The following MALRD1 variants were observed in gnomAD, a reference collection of about 807,000 sequenced individuals.
The protein encoded by MALRD1 is MAM and LDL-receptor class A domain-containing protein 1.
MALRD1 carries 247 observed loss-of-function variants against 242.1 expected under a neutral mutation model. The observed-to-expected ratio is 1.02, with a 90% CI of 0.92 to 1.13. The LOEUF is 1.13. Among genes scored for constraint, MALRD1 ranks in the 50% most tolerant of loss-of-function variants. MALRD1 has a pLI of 0.00. For synonymous variants in MALRD1, 995 were observed against 866.6 expected, an observed-to-expected ratio of 1.15 and a Z score of -2.60; for missense variants, 2,989 against 2,533.1, an observed-to-expected ratio of 1.18 and a Z score of -3.86.
At chr10:19,544,798 C>CAGTTTT (rs1835138703) in intron 32 of MALRD1, among the ~76,000 whole-genome samples, 1 of 152,064 alleles carries the variant, frequency 6.6e-6, no homozygotes, top group Non-Finnish European at 1.5e-5. Flanking sequence ...ACCATGACCT[C>CAGTTTT]TCTTCAGTTT....
intron 36 of MALRD1, among the ~76,000 whole-genome samples, chr10:19,674,109 G>A (rs766661670): frequency 1.3e-5 from 2 of 152,058 alleles, no homozygotes; most frequent in Admixed American, 6.6e-5. Flanking sequence ...CCATGAAAGC[G>A]CAAGATAGTC....
At chr10:19,684,600 A>G (rs1025853881) in intron 36 of MALRD1, among the ~76,000 whole-genome samples, 1 of 152,126 alleles carries the variant, frequency 6.6e-6, no homozygotes, top group Non-Finnish European at 1.5e-5. Context: ...TACTAAAAAT[A>G]CAAAAATTAG....
chr10:19,264,655 G>A (rs1254030160), intron 19 of MALRD1, among the ~76,000 whole-genome samples: 1 of 151,864 alleles, frequency 6.6e-6, no homozygotes, highest in Non-Finnish European at 1.5e-5. Flanking sequence ...GGGTTTCACT[G>A]TGTTAGCCAG....
In MALRD1 at chr10:19,677,534, A is replaced by C. The variant is rs144572403; in HGVS notation, c.6138-14748A>C. ...GGTTGTTTGGGGTTTATTTTTGTAA[A>C]TTTGTTTAAGTCCCTTGTACATTCT... On this transcript the variant is annotated intron_variant, in intron 36 of 39. Coordinates refer to ENST00000454679, the MANE Select transcript of MALRD1 (RefSeq NM_001142308.3). Among the ~76,000 whole-genome samples, 473 of 152,012 alleles carry C rather than the reference A, an allele frequency of 3.1e-3. 2 individuals are homozygous for C. Among genetic ancestry groups the C allele is most frequent in the African/African-American group, 0.011 (439 of 41,470 alleles).
chr10:19,488,016 C>T lies in MALRD1; in HGVS notation c.5030-3501C>T, dbSNP rs181561295. On this transcript the variant is annotated intron_variant, in intron 29 of 39. Transcript: ENST00000454679. ...AATTGTCAGTAAATTACCTCCACCTCGGGTACATCACCTCTGAACCTATAA... is the reference window on the plus strand; with the variant it reads ...AATTGTCAGTAAATTACCTCCACCTTGGGTACATCACCTCTGAACCTATAA... Among the ~76,000 whole-genome samples the T allele has an allele frequency of 2.6e-3, 403 of 152,138 alleles. 2 individuals carry two copies. The highest frequency in any genetic ancestry group is 6.8e-3 in the Middle Eastern group (2 of 294).
chr10:19,362,105 A>G (rs74121495), intron 26 of MALRD1, among the ~76,000 whole-genome samples: 2,450 of 152,244 alleles, frequency 0.016, 59 homozygotes, highest in African/African-American at 0.056. Context: ...TTTTAGGGCT[A>G]TCATAGCAAT....
intron 32 of MALRD1, among the ~76,000 whole-genome samples, chr10:19,535,558 T>C (rs1834637135): frequency 6.6e-6 from 1 of 150,572 alleles, no homozygotes; most frequent in Admixed American, 6.7e-5. Context: ...TATACACATA[T>C]GTACATATAT....
chr10:19,382,090 G>T (rs1845861877), intron 26 of MALRD1, among the ~76,000 whole-genome samples: 1 of 152,096 alleles, frequency 6.6e-6, no homozygotes, highest in East Asian at 1.9e-4. Flanking sequence ...TTAATGTCAA[G>T]AATGTGTCTG....
rs1041488236 is a variant in MALRD1, at chr10:19,429,085, T to C, written c.4846-21222T>C. Among the ~76,000 whole-genome samples the C allele has an allele frequency of 5.3e-5, 8 of 152,200 alleles. No individual in the cohort carries two copies. The South Asian group carries it at 1.2e-3, about 24-fold the overall frequency. ...ATATGGTATGTGTACTATAAGAACT[T>C]TCTAAAGTTTAAGCAATTCTAAATT... On this transcript the variant is annotated intron_variant, in intron 28 of 39. Transcript: ENST00000454679.
chr10:19,103,798 C>A (rs1417314153), intron 4 of MALRD1, among the ~76,000 whole-genome samples, 181 bp from the exon 5 acceptor site: 1 of 152,146 alleles, frequency 6.6e-6, no homozygotes, highest in Non-Finnish European at 1.5e-5. Context: ...GATGACCCTG[C>A]ATTTCTTTGT....
chr10:19,163,259 C>A (rs1030517491), intron 12 of MALRD1, among the ~76,000 whole-genome samples: 5 of 150,714 alleles, frequency 3.3e-5, no homozygotes, highest in Non-Finnish European at 5.9e-5. Context: ...CACCTAGATG[C>A]CCAGCAATGA....
chr10:19,390,779 G>T (rs1264566684), intron 28 of MALRD1, among the ~76,000 whole-genome samples: 1 of 152,066 alleles, frequency 6.6e-6, no homozygotes, highest in Non-Finnish European at 1.5e-5. Flanking sequence ...TGTCTGCAGA[G>T]TCTATGTTTT....
intron 28 of MALRD1, among the ~76,000 whole-genome samples, chr10:19,413,817 G>T (rs1833384104): frequency 6.6e-6 from 1 of 151,834 alleles, no homozygotes; most frequent in African/African-American, 2.4e-5. Flanking sequence ...CACCATCTCT[G>T]GCGGGTACCT....
intron 1 of MALRD1, among the ~76,000 whole-genome samples, chr10:19,054,765 C>T (rs941299696): frequency 7.2e-5 from 11 of 152,142 alleles, no homozygotes; most frequent in African/African-American, 2.7e-4. Flanking sequence ...TAGTGTTTCA[C>T]TGTGTGTACA....
At chr10:19,328,396 C>A (rs1459638058) in intron 23 of MALRD1, among the ~76,000 whole-genome samples, 1 of 152,100 alleles carries the variant, frequency 6.6e-6, no homozygotes, top group Non-Finnish European at 1.5e-5. Flanking sequence ...GAACACAGAG[C>A]CATTTATGTA....
rs144582700 is a variant in MALRD1, at chr10:19,324,914, T to C, written c.3576+809T>C. 2.4e-3 allele frequency among the ~76,000 whole-genome samples: 356 copies of C among 151,184 alleles called. 3 individuals carry two copies. Among genetic ancestry groups the C allele is most frequent in the African/African-American group, 8.2e-3 (341 of 41,400 alleles). On this transcript the variant is annotated intron_variant, in intron 22 of 39. Coordinates refer to ENST00000454679, the MANE Select transcript of MALRD1 (RefSeq NM_001142308.3). ...CCATTACTTTTGTTTTTTTTTGTTA[T>C]CAATAAATATTTTGCCAAGAGATAT...
intron 1 of MALRD1, among the ~76,000 whole-genome samples, chr10:19,055,220 G>A (rs183273110): frequency 9.9e-5 from 15 of 152,130 alleles, no homozygotes; most frequent in African/African-American, 3.6e-4. Context: ...TATCTGCTAA[G>A]GTCCTTTGCC....
At chr10:19,077,237 A>G (rs867991154) in intron 2 of MALRD1, among the ~76,000 whole-genome samples, 1 of 151,954 alleles carries the variant, frequency 6.6e-6, no homozygotes, top group Admixed American at 6.6e-5. Context: ...TCATCTAAGG[A>G]CTGAGTCAAT....
intron 29 of MALRD1, among the ~76,000 whole-genome samples, chr10:19,479,857 G>A (rs576221574): frequency 4.3e-4 from 66 of 152,282 alleles, no homozygotes; most frequent in African/African-American, 1.5e-3. Flanking sequence ...TCCACGTGGA[G>A]AGGTACAGAA....
Sources: gnomAD v4.1 joint callset for allele counts (sites outside exome capture counted in the v4.1 genomes callset) on GRCh38, gnomAD v4.1.1 for gene constraint, MANE v1.5 for transcripts, NCBI Gene and HGNC (gene_info 2026-07-23, HGNC 2026-07-21) for gene names.